Variants in PHACTR4 observed in about 807,000 individuals in gnomAD.
PHACTR4 encodes phosphatase and actin regulator 4.
A neutral mutation model predicts 72.7 loss-of-function variants in PHACTR4; 51 were observed. That is an observed-to-expected ratio of 0.70 (90% confidence interval 0.56 to 0.89). The LOEUF (loss-of-function observed/expected upper bound fraction) is 0.89, where lower values mean the gene tolerates loss of function less well. Ranked by LOEUF, PHACTR4 falls within the 40% of genes least tolerant of loss-of-function variation. The probability of loss-of-function intolerance (pLI) is 0.00; values close to 1 mark genes in which losing one functional copy is unlikely to be tolerated. For missense variants in PHACTR4, 731 were observed against 861.8 expected (o/e 0.85, Z 1.90); for synonymous variants, 255 against 302.5 (o/e 0.84, Z 1.63).
At chr1:28,437,166 T>C (rs1656687978) in intron 2 of PHACTR4, among the ~76,000 whole-genome samples, 1 of 152,226 alleles carries the variant, frequency 6.6e-6, no homozygotes, top group Non-Finnish European at 1.5e-5. Flanking sequence ...CTGTTCAGGC[T>C]ATTATAACAG....
At chr1:28,424,396 A>G (rs572951649) in intron 2 of PHACTR4, among the ~76,000 whole-genome samples, 34 of 152,236 alleles carry the variant, frequency 2.2e-4, no homozygotes, top group South Asian at 8.3e-4. Flanking sequence ...AGCTCAAGCA[A>G]TCTTCCCACT....
chr1:28,426,289 C>G (rs1217604814), intron 2 of PHACTR4, among the ~76,000 whole-genome samples: 2 of 151,962 alleles, frequency 1.3e-5, no homozygotes, highest in Non-Finnish European at 2.9e-5. Context: ...TTTTATTTAG[C>G]TGTGAAGATT....
At chr1:28,456,767 T>C (rs1322552870) in intron 2 of PHACTR4, among the ~76,000 whole-genome samples, 4 of 152,118 alleles carry the variant, frequency 2.6e-5, no homozygotes, top group Non-Finnish European at 5.9e-5. Flanking sequence ...TATTTGCCTG[T>C]AATCTCAGCT....
At chr1:28,371,983 G>A (rs1345447595) in intron 1 of PHACTR4, among the ~76,000 whole-genome samples, 2 of 151,856 alleles carry the variant, frequency 1.3e-5, no homozygotes, top group Non-Finnish European at 2.9e-5. Flanking sequence ...CTGGTTTCAA[G>A]CGATTCTCCT....
At chr1:28,396,845 C>CTTTTTTTTTTTTTTTTTT (rs60578939) in intron 1 of PHACTR4, among the ~76,000 whole-genome samples, 5 of 119,668 alleles carry the variant, frequency 4.2e-5, no homozygotes, top group African/African-American at 9.8e-5. Context: ...TTCTTTCTTT[C>CTTTTTTTTTTTTTTTTTT]TTTTTTTTTT....
intron 2 of PHACTR4, among the ~76,000 whole-genome samples, chr1:28,419,453 C>T (rs545510415): frequency 1.3e-5 from 2 of 151,436 alleles, no homozygotes; most frequent in African/African-American, 4.9e-5. Flanking sequence ...GTGTAAAAAA[C>T]ATATATAAAG....
chr1:28,377,993 T>G (rs938136520), intron 1 of PHACTR4, among the ~76,000 whole-genome samples: 5 of 146,100 alleles, frequency 3.4e-5, no homozygotes, highest in Admixed American at 1.4e-4. Context: ...GTCAGGAGAT[T>G]GAGACCATCC....
At chr1:28,468,167 A>AT (rs1209518926) in intron 6 of PHACTR4, among the ~76,000 whole-genome samples, 2 of 152,204 alleles carry the variant, frequency 1.3e-5, no homozygotes, top group African/African-American at 2.4e-5. Flanking sequence ...GGATAGTGTC[A>AT]TGTTGACTTA....
At chr1:28,490,419 C>G (rs1012117462) in intron 10 of PHACTR4, among the ~76,000 whole-genome samples, 1 of 151,786 alleles carries the variant, frequency 6.6e-6, no homozygotes, top group Non-Finnish European at 1.5e-5. Context: ...GTAGTCCCAG[C>G]TACTCGGGAG....
intron 1 of PHACTR4, among the ~76,000 whole-genome samples, chr1:28,383,028 A>G (rs1382796938): frequency 6.6e-6 from 1 of 151,844 alleles, no homozygotes; most frequent in Non-Finnish European, 1.5e-5. Flanking sequence ...CCTGACCTCA[A>G]GTGATCCACC....
chr1:28,466,247 A>G lies in PHACTR4; in HGVS notation c.437-135A>G. ...CTTAAGTATGGGGAGGTTGGGAGGCATTGAGAATGGTAACCTATAAGCTAA... is the reference window on the plus strand; with the variant it reads ...CTTAAGTATGGGGAGGTTGGGAGGCGTTGAGAATGGTAACCTATAAGCTAA... On this transcript the variant is annotated intron_variant, in intron 5 of 13. Coordinates refer to ENST00000373839, the MANE Select transcript of PHACTR4 (RefSeq NM_001048183.3). The G allele has an allele frequency of 3.0e-6, 3 of 995,170 alleles. No homozygotes were observed. In the South Asian group the frequency reaches 4.9e-5, roughly 16 times the overall value. 61.6% of individuals were successfully genotyped at this position (995,170 alleles called of 1,614,324 possible).
intron 9 of PHACTR4, 24 bp from the exon 10 acceptor site, chr1:28,489,141 AACATT>A: frequency 1.3e-6 from 2 of 1,598,434 alleles, no homozygotes; most frequent in Non-Finnish European, 8.6e-7. Flanking sequence ...GTTTAACATA[AACATT>A]ACCTTTATTT....
intron 1 of PHACTR4, among the ~76,000 whole-genome samples, chr1:28,390,196 G>A (rs1006127528): frequency 1.3e-5 from 2 of 152,144 alleles, no homozygotes; most frequent in South Asian, 2.1e-4. Flanking sequence ...GCTGGAGTAC[G>A]GTGGCTATTC....
At chr1:28,449,485 T>C (rs1278430664) in intron 2 of PHACTR4, among the ~76,000 whole-genome samples, 1 of 152,128 alleles carries the variant, frequency 6.6e-6, no homozygotes, top group East Asian at 1.9e-4. Flanking sequence ...CTATAGCAAA[T>C]AGTTAATGAA....
intron 2 of PHACTR4, among the ~76,000 whole-genome samples, chr1:28,410,374 A>G (rs1654699335): frequency 6.6e-6 from 1 of 152,188 alleles, no homozygotes; most frequent in Non-Finnish European, 1.5e-5. Context: ...ACATGACCAT[A>G]TGATAAACTA....
chr1:28,394,719 C>T (rs1653352294), intron 1 of PHACTR4, among the ~76,000 whole-genome samples: 1 of 151,670 alleles, frequency 6.6e-6, no homozygotes. Flanking sequence ...GGCTCAGCCT[C>T]CCGAGTAGCT....
At chr1:28,487,853 A>T (rs1159740744) in intron 9 of PHACTR4, among the ~76,000 whole-genome samples, 1 of 146,630 alleles carries the variant, frequency 6.8e-6, no homozygotes, top group Admixed American at 7.2e-5. Context: ...CTCCTGCCTC[A>T]GCCTCCCGAG....
intron 10 of PHACTR4, among the ~76,000 whole-genome samples, chr1:28,490,599 AC>A (rs1212269475): frequency 6.6e-6 from 1 of 152,060 alleles, no homozygotes; most frequent in Non-Finnish European, 1.5e-5. Flanking sequence ...TAATCCCAGC[AC>A]TTTGGAAGGC....
chr1:28,407,899 A>G (rs1013685904), intron 2 of PHACTR4, among the ~76,000 whole-genome samples: 6 of 152,212 alleles, frequency 3.9e-5, no homozygotes, highest in Admixed American at 3.3e-4. Flanking sequence ...CAGGCAGATC[A>G]CTTGAGGCTA....
Sources: allele counts gnomAD v4.1 joint callset (sites outside exome capture counted in the v4.1 genomes callset), GRCh38; gene constraint gnomAD v4.1.1; transcripts MANE v1.5; gene names NCBI Gene and HGNC (gene_info 2026-07-23, HGNC 2026-07-21).